The following ALK variants were observed in gnomAD, a reference collection of about 807,000 sequenced individuals.
ALK encodes the protein ALK tyrosine kinase receptor.
Under a neutral mutation model 163.1 loss-of-function variants are expected in ALK, and 74 were observed. The ratio of observed to expected loss-of-function variants is 0.45; its 90% confidence interval spans 0.38 to 0.55. ALK has a LOEUF of 0.55. ALK is among the 20% of genes least tolerant of loss of function. The pLI is 0.00. For missense variants in ALK, 2,063 were observed against 2,105.3 expected, an observed-to-expected ratio of 0.98 and a Z score of 0.39; for synonymous variants, 960 against 843.2, an observed-to-expected ratio of 1.14 and a Z score of -2.40.
chr2:29,591,388 C>T (rs1190599678), intron 3 of ALK, among the ~76,000 whole-genome samples: 1 of 152,072 alleles, frequency 6.6e-6, no homozygotes, highest in Non-Finnish European at 1.5e-5. Flanking sequence ...TGGAAGCATC[C>T]GGGCAGCCAC....
At chr2:29,890,131 G>A (rs192830459) in intron 1 of ALK, among the ~76,000 whole-genome samples, 1 of 152,298 alleles carries the variant, frequency 6.6e-6, no homozygotes, top group East Asian at 1.9e-4. Flanking sequence ...TTGACTCTAT[G>A]CCCTCTGCCC....
rs74324830 is a variant in ALK at position 29,784,180 on chromosome 2, C to G, written c.668-66483G>C. Among the ~76,000 whole-genome samples the G allele has an allele frequency of 6.6e-3, 1,000 of 152,172 alleles. 9 individuals are homozygous for G. Among genetic ancestry groups the G allele is most frequent in the African/African-American group, 0.023 (952 of 41,522 alleles). The stretch of plus-strand genomic sequence containing the variant: ...CTAAGAAAATGTCTTTAGGAAACCA[C>G]AAGAGAAGTATAACAGAAAATGAAA... On this transcript the variant is annotated intron_variant, in intron 1 of 28. Coordinates refer to ENST00000389048, the MANE Select transcript of ALK (RefSeq NM_004304.5).
At chr2:29,366,509 C>T (rs1253091508) in intron 5 of ALK, among the ~76,000 whole-genome samples, 2 of 151,972 alleles carry the variant, frequency 1.3e-5, no homozygotes, top group South Asian at 2.1e-4. Context: ...CAGAGGTGGT[C>T]GAGAGGGTGT....
chr2:29,193,033 GA>G lies in ALK; in HGVS notation c.*190del. The G allele has an allele frequency of 1.6e-6, 1 of 640,148 alleles. No individual in the cohort carries two copies. The highest frequency in any genetic ancestry group is 1.9e-5 in the South Asian group (1 of 52,774). The allele number at this position is 640,148 out of a possible 1,614,324, so 39.7% of individuals were successfully genotyped here. A position where few individuals can be genotyped will look rare whatever the true frequency, so the allele number is the denominator to read the frequency against. On this transcript the variant is annotated 3_prime_UTR_variant, in exon 29 of 29. Transcript: ENST00000389048. ...TTTATGATATTTTCTTCTTTCGAAA[GA>G]ATAGGATGAACCCATGCTCAAAACC...
chr2:29,558,206 A>G (rs1317806048), intron 3 of ALK, among the ~76,000 whole-genome samples: 7 of 152,190 alleles, frequency 4.6e-5, no homozygotes, highest in Admixed American at 6.5e-5. Flanking sequence ...GGCATGTGCT[A>G]TAACACTTGA....
In ALK at chr2:29,740,437, G is replaced by C. The variant is rs117298104; in HGVS notation, c.668-22740C>G. On this transcript the variant is annotated intron_variant, in intron 1 of 28. Transcript: ENST00000389048. ...ATGAGGACAGTCAGAGGGACAGTTA[G>C]ACAAAGGGACAGACAGACAGAAAAA... Among the ~76,000 whole-genome samples the C allele has an allele frequency of 1.2e-3, 183 of 152,294 alleles. 2 individuals are homozygous for C. In the East Asian group the frequency reaches 0.019, roughly 15 times the overall value.
At chr2:29,503,211 C>T (rs1012769976) in intron 4 of ALK, among the ~76,000 whole-genome samples, 23 of 152,256 alleles carry the variant, frequency 1.5e-4, no homozygotes, top group Admixed American at 7.2e-4. Flanking sequence ...AGATAGGTAA[C>T]AAATTATGAT....
intron 4 of ALK, among the ~76,000 whole-genome samples, chr2:29,399,313 G>A (rs980114457): frequency 1.3e-5 from 2 of 152,148 alleles, no homozygotes; most frequent in African/African-American, 4.8e-5. Context: ...GTCAAATTCC[G>A]AGTCCACAGC....
intron 1 of ALK, among the ~76,000 whole-genome samples, chr2:29,802,543 G>GGAGGGGAGGGGAGGGGAGGGGAGGA (rs1664507163): frequency 3.9e-5 from 1 of 25,882 alleles, no homozygotes; most frequent in African/African-American, 1.3e-4. Context: ...GGAGAGGAGG[G>GGAGGGGAGGGGAGGGGAGGGGAGGA]GAGGGGAGGG....
chr2:29,197,475 C>T (rs1176341267), intron 27 of ALK, 67 bp downstream of exon 27: 1 of 1,605,070 alleles, frequency 6.2e-7, no homozygotes, highest in African/African-American at 1.3e-5. Context: ...GCATATGTGG[C>T]TCTGGATATT....
intron 1 of ALK, among the ~76,000 whole-genome samples, chr2:29,880,208 T>A (rs1239472914): frequency 6.6e-6 from 1 of 152,174 alleles, no homozygotes; most frequent in Non-Finnish European, 1.5e-5. Flanking sequence ...TGGGAGGCAG[T>A]CTCCTCTCCA....
chr2:29,848,492 A>C (rs1432631762), intron 1 of ALK, among the ~76,000 whole-genome samples: 1 of 152,222 alleles, frequency 6.6e-6, no homozygotes, highest in Non-Finnish European at 1.5e-5. Flanking sequence ...TAAGTAGAGA[A>C]TTCTAAAGTG....
chr2:29,427,034 T>C (rs1259030833), intron 4 of ALK, among the ~76,000 whole-genome samples: 3 of 26,870 alleles, frequency 1.1e-4, no homozygotes, highest in African/African-American at 4.6e-4. Context: ...CAAGACTCCG[T>C]CTCAAAAAAA....
chr2:29,537,852 G>A (rs769567338), intron 3 of ALK, among the ~76,000 whole-genome samples: 18 of 152,346 alleles, frequency 1.2e-4, no homozygotes, highest in Admixed American at 4.6e-4. Context: ...TTGCAGCAGC[G>A]TGCCCTGGAT....
intron 4 of ALK, among the ~76,000 whole-genome samples, chr2:29,482,341 G>T (rs1671682125): frequency 6.6e-6 from 1 of 152,186 alleles, no homozygotes; most frequent in African/African-American, 2.4e-5. Flanking sequence ...CTGGTGTCTA[G>T]TTCTAGGATT....
rs1435427166 is a variant in ALK, at chr2:29,209,687, G to T, written c.3836+99C>A. 5.9e-6 allele frequency: 5 copies of T among 853,492 alleles called. No individual in the cohort carries two copies. The East Asian group carries it at 7.4e-5, about 13-fold the overall frequency. The allele number at this position is 853,492 out of a possible 1,614,324, so 52.9% of individuals were successfully genotyped here. ...AAATTTTAGGTAGAAAGTTGACAGG[G>T]TACCAGGAGATGATGTAAGGGACAA... is the stretch of plus-strand genomic sequence containing the variant. On this transcript the variant is annotated intron_variant, in intron 25 of 28. Coordinates refer to ENST00000389048, the MANE Select transcript of ALK (RefSeq NM_004304.5).
intron 4 of ALK, among the ~76,000 whole-genome samples, chr2:29,403,802 C>T (rs1669511321): frequency 6.8e-6 from 1 of 147,486 alleles, no homozygotes; most frequent in African/African-American, 2.5e-5. Context: ...ATACCAGCTA[C>T]TGGGGAGGCT....
chr2:29,592,863 G>C (rs1231567209), intron 3 of ALK, among the ~76,000 whole-genome samples: 3 of 152,166 alleles, frequency 2.0e-5, no homozygotes. Context: ...GGAGCTCCAG[G>C]AACCACCAGA....
At position 29,332,285 on chromosome 2, in the gene ALK, C is replaced by CA. The variant is rs57598066; in HGVS notation, c.1283-3805dup. Among the ~76,000 whole-genome samples, 75 of 18,358 alleles carry CA rather than the reference C, an allele frequency of 4.1e-3. 23 individuals carry two copies. Among genetic ancestry groups the CA allele is most frequent in the African/African-American group, 5.9e-3 (39 of 6,604 alleles). 12.0% of individuals were successfully genotyped at this position (18,358 alleles called of 152,430 possible). ...TAGGAGACAGAGTGAGACTCCATCT[C>CA]AAAAAAAAAAAAAAAAAAAAAAAAA... is the stretch of plus-strand genomic sequence containing the variant. On this transcript the variant is annotated intron_variant, in intron 5 of 28. Transcript: ENST00000389048.
Sources: gnomAD v4.1 joint callset for allele counts (sites outside exome capture counted in the v4.1 genomes callset) on GRCh38, gnomAD v4.1.1 for gene constraint, MANE v1.5 for transcripts, NCBI Gene and HGNC (gene_info 2026-07-23, HGNC 2026-07-21) for gene names.